CEACAM18: variants seen among roughly 807,000 people sequenced by gnomAD.
CEACAM18 encodes the protein cell adhesion molecule CEACAM18.
Under a neutral mutation model 34.3 loss-of-function variants are expected in CEACAM18, and 33 were observed. The observed-to-expected ratio is 0.96, with a 90% CI of 0.73 to 1.29. CEACAM18 has a LOEUF of 1.29. Among genes scored for constraint, CEACAM18 ranks in the 50% most tolerant of loss-of-function variants. The pLI is 0.00. For missense variants in CEACAM18, 474 were observed against 485.0 expected (o/e 0.98, Z 0.21); for synonymous variants, 169 against 180.9 (o/e 0.93, Z 0.53).
chr19:51,480,423 C>T (rs1020192085), exon 2 of CEACAM18: 2 of 1,613,330 alleles, frequency 1.2e-6, no homozygotes, highest in South Asian at 2.2e-5. Context: ...ACTGTCGTGG[C>T]CCTGGATAAG....
At chr19:51,483,360 A>T in intron 4 of CEACAM18, 64 bp downstream of exon 4, 1 of 1,593,164 alleles carries the variant, frequency 6.3e-7, no homozygotes, top group Middle Eastern at 2.1e-4. Flanking sequence ...CCTGCTAGGC[A>T]GTGCCCACCC....
At position 51,483,307 on chromosome 19, in the gene CEACAM18, T is replaced by C. The variant is rs890655450; in HGVS notation, c.953+11T>C. The C allele has an allele frequency of 7.4e-6, 12 of 1,613,372 alleles. No individual in the cohort carries two copies. Among genetic ancestry groups the C allele is most frequent in the African/African-American group, 1.3e-5 (1 of 74,866 alleles). ...CCAGGCCCCCCATGAGTGCAGCAGC[T>C]CCCCTCCAGGCTCATGCTTTGCACA... On this transcript the variant is annotated intron_variant, in intron 4 of 5. Transcript: ENST00000396477.
At chr19:51,482,060 A>C (rs1006349680) in intron 3 of CEACAM18, among the ~76,000 whole-genome samples, 1 of 152,126 alleles carries the variant, frequency 6.6e-6, no homozygotes, top group Non-Finnish European at 1.5e-5. Flanking sequence ...CTTCTTTTCT[A>C]CTAAATTTAG....
chr19:51,488,175 A>G (rs1241241290), intron 5 of CEACAM18, among the ~76,000 whole-genome samples: 1 of 152,226 alleles, frequency 6.6e-6, no homozygotes, highest in Non-Finnish European at 1.5e-5. Context: ...ATATTCAGGG[A>G]AGAGCAGAGA....
rs1211371325 is a variant in CEACAM18, at chr19:51,480,586, C to G, written c.306C>G (p.Ile102Met). The G allele has an allele frequency of 3.7e-6, 6 of 1,613,990 alleles. No individual in the cohort carries two copies. The South Asian group carries it at 5.5e-5, about 15-fold the overall frequency. Residue 102 changes from isoleucine to methionine, a missense_variant, in exon 2 of 6, where the codon ATC (isoleucine) becomes ATG (methionine). By Grantham distance (10) the Ile-to-Met change is conservative. Transcript: ENST00000396477. ...TGAACAGAGAAGGCAGCCTGTTGATCAGGCCGACTGCATTAAATGACACGG... is the reference window on the plus strand; with the variant it reads ...TGAACAGAGAAGGCAGCCTGTTGATGAGGCCGACTGCATTAAATGACACGG...
At chr19:51,490,843 G>A (rs769217181) in exon 6 of CEACAM18, 4 of 388,736 alleles carry the variant, frequency 1.0e-5, no homozygotes, top group African/African-American at 6.2e-5. Flanking sequence ...GGGTAGCGTG[G>A]CCATTGGGCG....
Position 51,486,923 on chromosome 19 carries a change from C to T in CEACAM18, c.1089+1801C>T, listed in dbSNP as rs564038211. ...TTTTTTAGTAGAGACGGGGTTTCAC[C>T]GTGTTAGCCAGGATGGTCTTGATCT... is the stretch of plus-strand genomic sequence containing the variant. On this transcript the variant is annotated intron_variant, in intron 5 of 5. Transcript: ENST00000396477. Among the ~76,000 whole-genome samples the T allele has an allele frequency of 1.5e-4, 22 of 151,242 alleles. No individual in the cohort carries two copies. The East Asian group carries it at 3.9e-3, about 27-fold the overall frequency.
At chr19:51,486,892 GT>G (rs564607266) in intron 5 of CEACAM18, among the ~76,000 whole-genome samples, 10,956 of 140,394 alleles carry the variant, frequency 0.078, 477 homozygotes, top group African/African-American at 0.12. Flanking sequence ...TAATTTTTTT[GT>G]TTTTTTTTTT....
exon 3 of CEACAM18, chr19:51,481,647 A>T (rs1442189089): frequency 6.2e-7 from 1 of 1,613,032 alleles, no homozygotes; most frequent in Admixed American, 1.7e-5. Context: ...AAGTGAACGC[A>T]TCTCTCTGAC....
chr19:51,480,229 G>A (rs1028313174), intron 1 of CEACAM18, 104 bp from the exon 2 acceptor site: 55 of 946,634 alleles, frequency 5.8e-5, no homozygotes, highest in Non-Finnish European at 7.5e-5. Context: ...GTTCACCAGC[G>A]TCTCTGGGAA....
chr19:51,480,457 C>T, exon 2 of CEACAM18: 2 of 1,613,752 alleles, frequency 1.2e-6, no homozygotes, highest in Admixed American at 3.3e-5. Flanking sequence ...TTCAGGAATA[C>T]AGCTGGTACT....
At chr19:51,483,121 T>C (rs1455944891) in exon 4 of CEACAM18, 1 of 1,614,040 alleles carries the variant, frequency 6.2e-7, no homozygotes, top group Non-Finnish European at 8.5e-7. Context: ...CTGCTATTCC[T>C]TCCTGGATCT....
intron 5 of CEACAM18, among the ~76,000 whole-genome samples, chr19:51,487,113 C>G (rs1990018225): frequency 6.6e-6 from 1 of 152,112 alleles, no homozygotes; most frequent in Admixed American, 6.5e-5. Context: ...GAAAGTTCAT[C>G]TAATTGAAAG....
intron 5 of CEACAM18, among the ~76,000 whole-genome samples, chr19:51,489,386 T>C (rs937839543): frequency 1.9e-4 from 29 of 151,406 alleles, no homozygotes; most frequent in African/African-American, 7.0e-4. Context: ...CCCTTCTCCC[T>C]CCCCAAAAGA....
At chr19:51,487,227 C>T (rs1428313300) in intron 5 of CEACAM18, among the ~76,000 whole-genome samples, 2 of 152,144 alleles carry the variant, frequency 1.3e-5, no homozygotes, top group South Asian at 2.1e-4. Context: ...GTAATCCCAA[C>T]ATTTTGGGAG....
At chr19:51,483,287 C>T (rs760626539) in exon 4 of CEACAM18, 3 of 1,613,716 alleles carry the variant, frequency 1.9e-6, no homozygotes, top group South Asian at 1.1e-5. Context: ...AGGATCCAGG[C>T]CCCCCATGAG....
intron 4 of CEACAM18, 131 bp from the exon 5 acceptor site, chr19:51,484,856 T>C (rs1989974417): frequency 2.6e-6 from 3 of 1,164,266 alleles, no homozygotes; most frequent in Middle Eastern, 2.0e-4. Flanking sequence ...CCCTCGTACC[T>C]GGAACAGTGC....
At chr19:51,486,719 C>T (rs146983357) in intron 5 of CEACAM18, among the ~76,000 whole-genome samples, 5,491 of 135,776 alleles carry the variant, frequency 0.04, 156 homozygotes, top group Middle Eastern at 0.061. Context: ...TCTTTCTTTT[C>T]TTTCTTTTTT....
exon 2 of CEACAM18, chr19:51,480,565 C>G (rs938542481): frequency 1.5e-5 from 24 of 1,613,884 alleles, no homozygotes; most frequent in Non-Finnish European, 1.9e-5. Context: ...AGAGAGTGAA[C>G]AGAGAAGGCA....
Sources: allele counts gnomAD v4.1 joint callset (sites outside exome capture counted in the v4.1 genomes callset), GRCh38; gene constraint gnomAD v4.1.1; transcripts MANE v1.5; gene names NCBI Gene and HGNC (gene_info 2026-07-23, HGNC 2026-07-21).